MACROD2: variants seen among roughly 807,000 people sequenced by gnomAD.
MACROD2 encodes the protein ADP-ribose glycohydrolase MACROD2.
MACROD2 carries 36 observed loss-of-function variants against 70.4 expected under a neutral mutation model. The ratio of observed to expected loss-of-function variants is 0.51; its 90% CI spans 0.39 to 0.68. The LOEUF is 0.68. MACROD2 is among the 30% of genes least tolerant of loss of function. MACROD2 has a pLI of 0.00. For missense variants in MACROD2, 496 were observed against 538.4 expected (o/e 0.92, Z 0.78); for synonymous variants, 172 against 178.8 (o/e 0.96, Z 0.30).
intron 3 of MACROD2, among the ~76,000 whole-genome samples, chr20:14,136,189 G>A (rs1224799875): frequency 6.6e-6 from 1 of 152,004 alleles, no homozygotes; most frequent in Non-Finnish European, 1.5e-5. Context: ...TATAGTAGCA[G>A]CACTCAGAAA....
intron 8 of MACROD2, among the ~76,000 whole-genome samples, chr20:15,676,458 A>C (rs554356197): frequency 6.6e-6 from 1 of 152,358 alleles, no homozygotes; most frequent in East Asian, 1.9e-4. Flanking sequence ...GAGTATAACC[A>C]AAAACCACAT....
intron 5 of MACROD2, among the ~76,000 whole-genome samples, chr20:15,092,629 T>C (rs1404752998): frequency 2.0e-5 from 3 of 151,918 alleles, no homozygotes; most frequent in Non-Finnish European, 1.5e-5. Context: ...ATTGTACAAA[T>C]CCAACTTCAA....
chr20:14,608,831 A>C (rs1982978917), intron 4 of MACROD2, among the ~76,000 whole-genome samples: 1 of 152,206 alleles, frequency 6.6e-6, no homozygotes, highest in Admixed American at 6.5e-5. Flanking sequence ...AGATAGAATG[A>C]TCAGGGAAAA....
intron 13 of MACROD2, among the ~76,000 whole-genome samples, chr20:15,970,056 A>G (rs2066206771): frequency 6.6e-6 from 1 of 152,144 alleles, no homozygotes; most frequent in Non-Finnish European, 1.5e-5. Flanking sequence ...TGACTTTTCA[A>G]TATGTATAAT....
In MACROD2 at chr20:15,507,744, C is replaced by T. The variant is rs1031664277; in HGVS notation, c.645+7897C>T. Among the ~76,000 whole-genome samples the T allele has an allele frequency of 1.3e-5, 2 of 152,188 alleles. 1 individual carries two copies. Among genetic ancestry groups the T allele is most frequent in the South Asian group, 4.1e-4 (2 of 4,834 alleles). ...TGCCAAGTGGACAGATCCACCGACA[C>T]TTCCAGCTTCACCCTGCTTTAGCAT... is the stretch of plus-strand genomic sequence containing the variant. On this transcript the variant is annotated intron_variant, in intron 8 of 17. Transcript: ENST00000684519.
At chr20:14,068,511 A>G (rs1228625201) in intron 2 of MACROD2, among the ~76,000 whole-genome samples, 1 of 152,216 alleles carries the variant, frequency 6.6e-6, no homozygotes, top group Non-Finnish European at 1.5e-5. Flanking sequence ...GAAGGATATG[A>G]TAAATGTCAT....
At chr20:14,937,630 T>A (rs1363974664) in intron 5 of MACROD2, among the ~76,000 whole-genome samples, 1 of 152,112 alleles carries the variant, frequency 6.6e-6, no homozygotes, top group Admixed American at 6.5e-5. Context: ...CAAATCAGTG[T>A]AATTGGGATA....
chr20:15,475,620 C>G (rs2047012573), intron 7 of MACROD2, among the ~76,000 whole-genome samples: 1 of 152,226 alleles, frequency 6.6e-6, no homozygotes, highest in Non-Finnish European at 1.5e-5. Context: ...CCGCAGTCAT[C>G]CATCATGCTG....
In MACROD2 at chr20:15,635,784, G is replaced by A. The variant is rs572829185; in HGVS notation, c.645+135937G>A. Among the ~76,000 whole-genome samples, 433 of 152,174 alleles carry A rather than the reference G, an allele frequency of 2.8e-3. 3 individuals carry two copies. The highest frequency in any genetic ancestry group is 9.7e-3 in the African/African-American group (402 of 41,524). The stretch of plus-strand genomic sequence containing the variant: ...CCCCACATTTTAGAAATCCCCAAGG[G>A]CAGCTGGGCACGGTGGCTCACACCT... On this transcript the variant is annotated intron_variant, in intron 8 of 17. Coordinates refer to ENST00000684519, the MANE Select transcript of MACROD2 (RefSeq NM_001351661.2).
At chr20:14,855,771 G>C (rs930972821) in intron 5 of MACROD2, among the ~76,000 whole-genome samples, 1 of 151,440 alleles carries the variant, frequency 6.6e-6, no homozygotes, top group African/African-American at 2.4e-5. Flanking sequence ...TCTCATATAA[G>C]AACATGAAAA....
At chr20:14,831,780 CAA>C (rs71190151) in intron 5 of MACROD2, among the ~76,000 whole-genome samples, 206 of 37,144 alleles carry the variant, frequency 5.5e-3, no homozygotes, top group Middle Eastern at 0.026. Context: ...AACTCCGTCT[CAA>C]AAAAAAAAAA....
intron 3 of MACROD2, among the ~76,000 whole-genome samples, chr20:14,402,119 T>C (rs2083644056): frequency 6.6e-6 from 1 of 152,200 alleles, no homozygotes; most frequent in South Asian, 2.1e-4. Context: ...AGTGTATGTG[T>C]ATGTGTATGT....
chr20:15,634,599 G>T (rs1442769736), intron 8 of MACROD2, among the ~76,000 whole-genome samples: 1 of 152,174 alleles, frequency 6.6e-6, no homozygotes, highest in Non-Finnish European at 1.5e-5. Context: ...TTACCTTATG[G>T]GGATTAAAAT....
At chr20:15,643,992 A>C (rs769391520) in intron 8 of MACROD2, among the ~76,000 whole-genome samples, 1 of 152,194 alleles carries the variant, frequency 6.6e-6, no homozygotes, top group Non-Finnish European at 1.5e-5. Context: ...TCTCCCTTTA[A>C]GTTCCATGAT....
chr20:14,039,254 TATTA>T (rs1374216785), intron 2 of MACROD2, among the ~76,000 whole-genome samples: 5 of 152,172 alleles, frequency 3.3e-5, no homozygotes, highest in African/African-American at 1.2e-4. Context: ...ATGAAGGTTG[TATTA>T]ATTCATTCCA....
At chr20:14,474,187 A>G (rs1357126874) in intron 3 of MACROD2, among the ~76,000 whole-genome samples, 2 of 151,808 alleles carry the variant, frequency 1.3e-5, no homozygotes, top group East Asian at 1.9e-4. Context: ...ATTTAATCCA[A>G]TTTGTCTGTT....
intron 8 of MACROD2, among the ~76,000 whole-genome samples, chr20:15,608,451 G>C (rs922260958): frequency 6.6e-6 from 1 of 152,132 alleles, no homozygotes; most frequent in South Asian, 2.1e-4. Flanking sequence ...CTTGTTCTAG[G>C]AGGAGCACAC....
At chr20:14,449,662 C>T (rs1279211690) in intron 3 of MACROD2, among the ~76,000 whole-genome samples, 3 of 151,954 alleles carry the variant, frequency 2.0e-5, no homozygotes, top group Non-Finnish European at 4.4e-5. Context: ...ATGAATAACC[C>T]GAGATGGTAC....
chr20:14,187,666 C>T (rs1271630771), intron 3 of MACROD2, among the ~76,000 whole-genome samples: 2 of 152,114 alleles, frequency 1.3e-5, no homozygotes, highest in African/African-American at 2.4e-5. Flanking sequence ...TTATATTTCT[C>T]CAAGTTCCTT....
Sources: gnomAD v4.1 joint callset for allele counts (sites outside exome capture counted in the v4.1 genomes callset) on GRCh38, gnomAD v4.1.1 for gene constraint, MANE v1.5 for transcripts, NCBI Gene and HGNC (gene_info 2026-07-23, HGNC 2026-07-21) for gene names.